Variants in VTI1A observed in about 807,000 individuals in gnomAD.
The protein encoded by VTI1A is vesicle transport through interaction with t-SNAREs 1A, also known as vesicle transport through interaction with t-SNAREs homolog 1A.
In VTI1A, 22 loss-of-function variants were observed where a neutral mutation model predicts 34.9. The ratio of observed to expected loss-of-function variants is 0.63; its 90% CI spans 0.45 to 0.90. The LOEUF (loss-of-function observed/expected upper bound fraction) is 0.90, where lower values mean the gene tolerates loss of function less well. VTI1A is among the 40% of genes least tolerant of loss of function. The pLI, the probability that VTI1A is intolerant of heterozygous loss-of-function variation, is 0.00. For missense variants in VTI1A, 268 were observed against 275.6 expected (o/e 0.97, Z 0.20); for synonymous variants, 87 against 97.3 (o/e 0.89, Z 0.62).
intron 5 of VTI1A, among the ~76,000 whole-genome samples, chr10:112,621,496 TG>T (rs759610736): frequency 6.6e-6 from 1 of 152,178 alleles, no homozygotes; most frequent in African/African-American, 2.4e-5. Flanking sequence ...TACACATTAT[TG>T]TCCCCATTAC....
intron 7 of VTI1A, among the ~76,000 whole-genome samples, chr10:112,714,081 A>C (rs1409132013): frequency 6.6e-6 from 1 of 152,190 alleles, no homozygotes; most frequent in Non-Finnish European, 1.5e-5. Context: ...TGTTTCAGAA[A>C]TGCATTCCCT....
intron 5 of VTI1A, among the ~76,000 whole-genome samples, chr10:112,634,884 C>T (rs1564858812): frequency 1.3e-5 from 2 of 152,144 alleles, no homozygotes; most frequent in Non-Finnish European, 2.9e-5. Context: ...CCCATTGCCT[C>T]CTTCACAATC....
At chr10:112,556,217 T>C (rs1308979797) in intron 5 of VTI1A, among the ~76,000 whole-genome samples, 1 of 152,008 alleles carries the variant, frequency 6.6e-6, no homozygotes, top group Non-Finnish European at 1.5e-5. Context: ...CGTAGAAGCC[T>C]ATGATTCTAA....
At chr10:112,503,011 T>C (rs1244940036) in intron 3 of VTI1A, among the ~76,000 whole-genome samples, 1 of 152,188 alleles carries the variant, frequency 6.6e-6, no homozygotes, top group Non-Finnish European at 1.5e-5. Context: ...TGATACATAA[T>C]AGATGTACAT....
chr10:112,460,478 T>C, intron 1 of VTI1A, 46 bp from the exon 2 acceptor site: 1 of 1,535,924 alleles, frequency 6.5e-7, no homozygotes, highest in Non-Finnish European at 8.8e-7. Flanking sequence ...AAATATTAAA[T>C]TTATTTGTAT....
chr10:112,689,586 C>T (rs1848543273), intron 7 of VTI1A, among the ~76,000 whole-genome samples: 1 of 152,146 alleles, frequency 6.6e-6, no homozygotes, highest in Non-Finnish European at 1.5e-5. Flanking sequence ...CGTCACCGTT[C>T]TTCCTGAGCC....
Position 112,464,586 on chromosome 10 carries a change from C to A in VTI1A, c.193C>A (p.Gln65Lys). Residue 65 changes from glutamine (Q) to lysine (K), a missense_variant, in exon 3 of 8, where the codon CAA (glutamine) becomes AAA (lysine). By Grantham distance (53) the Gln-to-Lys change is moderately conservative (BLOSUM62 1). Coordinates refer to ENST00000393077, the MANE Select transcript of VTI1A (RefSeq NM_145206.4). The part of the protein sequence containing the change: ...MDLEVREIPP[Q>K]SRGMYSNRMR... ...TTTGGAAGTCCGAGAGATACCACCC[C>A]AAAGTCGAGGGATGTACAGCAACAG... 1 of 1,613,010 alleles carries A rather than the reference C, an allele frequency of 6.2e-7. No individual in the cohort carries two copies. Among genetic ancestry groups the A allele is most frequent in the South Asian group, 1.1e-5 (1 of 90,992 alleles).
intron 7 of VTI1A, among the ~76,000 whole-genome samples, chr10:112,686,325 T>G (rs1848410935): frequency 6.6e-6 from 1 of 152,182 alleles, no homozygotes; most frequent in African/African-American, 2.4e-5. Flanking sequence ...TAAATTTTCA[T>G]CATCTTCTAT....
Position 112,818,445 on chromosome 10 carries a change from T to C in VTI1A, c.*3062T>C. On this transcript the variant is annotated 3_prime_UTR_variant, in exon 8 of 8. Transcript: ENST00000393077. ...AAAAGCAACTGTCTTTCTCTCCCTC[T>C]CTTTCTCCTTTTTTTTTGCACATCT... 1 of 231,464 alleles carries C rather than the reference T, an allele frequency of 4.3e-6. No individual in the cohort carries two copies. The highest frequency in any genetic ancestry group is 8.6e-6 in the Non-Finnish European group (1 of 116,804). The allele number at this position is 231,464 out of a possible 1,614,324, so 14.3% of individuals were successfully genotyped here.
At chr10:112,649,312 AAAG>A (rs1846920956) in intron 5 of VTI1A, among the ~76,000 whole-genome samples, 1 of 152,202 alleles carries the variant, frequency 6.6e-6, no homozygotes, top group African/African-American at 2.4e-5. Context: ...TTATGTGAAA[AAAG>A]AAGTTTTTAT....
At chr10:112,682,863 T>C (rs1848266561) in intron 7 of VTI1A, among the ~76,000 whole-genome samples, 1 of 152,202 alleles carries the variant, frequency 6.6e-6, no homozygotes, top group Non-Finnish European at 1.5e-5. Flanking sequence ...TTGGATGGGC[T>C]TCAGTTGGAG....
intron 7 of VTI1A, among the ~76,000 whole-genome samples, chr10:112,810,411 A>C (rs1001668004): frequency 6.6e-6 from 1 of 151,954 alleles, no homozygotes; most frequent in African/African-American, 2.4e-5. Flanking sequence ...CAAAAAAAAA[A>C]AAAAAAAAAG....
At chr10:112,846,893 G>A in the VTI1A span, among the ~76,000 whole-genome samples, 1 of 152,174 alleles carries the variant, frequency 6.6e-6, no homozygotes, top group Non-Finnish European at 1.5e-5. Context: ...AGTCTAACTT[G>A]GAAGAGACCC....
intron 1 of VTI1A, among the ~76,000 whole-genome samples, chr10:112,459,681 C>G (rs1344372364): frequency 2.0e-5 from 3 of 152,046 alleles, no homozygotes; most frequent in Non-Finnish European, 2.9e-5. Flanking sequence ...CTGGTTTGCA[C>G]AAAACTTAAC....
At chr10:112,824,541 C>T in the VTI1A span, 1 of 152,816 alleles carries the variant, frequency 6.5e-6, no homozygotes, top group Non-Finnish European at 1.5e-5. Flanking sequence ...CGCCACTGCA[C>T]TCCAGCCTGG....
intron 3 of VTI1A, among the ~76,000 whole-genome samples, chr10:112,483,104 C>T (rs140598609): frequency 6.6e-6 from 1 of 152,116 alleles, no homozygotes; most frequent in African/African-American, 2.4e-5. Context: ...GCAACTGTCT[C>T]GGGTGCCAGT....
chr10:112,766,768 T>C (rs1181651812), intron 7 of VTI1A, among the ~76,000 whole-genome samples: 1 of 152,206 alleles, frequency 6.6e-6, no homozygotes, highest in Non-Finnish European at 1.5e-5. Flanking sequence ...TTTCCTTAGT[T>C]AGCTGGGGGC....
At chr10:112,700,296 T>C (rs1021930255) in intron 7 of VTI1A, among the ~76,000 whole-genome samples, 1 of 152,156 alleles carries the variant, frequency 6.6e-6, no homozygotes, top group Non-Finnish European at 1.5e-5. Context: ...ATCAGTGTTT[T>C]TCCTGCTATG....
At chr10:112,545,152 A>C (rs1320846290) in intron 5 of VTI1A, among the ~76,000 whole-genome samples, 2 of 152,248 alleles carry the variant, frequency 1.3e-5, no homozygotes, top group African/African-American at 4.8e-5. Context: ...AAAAATTATA[A>C]GCTGGCTTAA....
Sources: allele counts gnomAD v4.1 joint callset (sites outside exome capture counted in the v4.1 genomes callset), GRCh38; gene constraint gnomAD v4.1.1; transcripts MANE v1.5; gene names NCBI Gene and HGNC (gene_info 2026-07-23, HGNC 2026-07-21).